NOS1: variants seen among roughly 807,000 people sequenced by gnomAD.
The protein encoded by NOS1 is nitric oxide synthase 1, also known as NOS type I.
In NOS1, 51 loss-of-function variants were observed where a neutral mutation model predicts 164.5. The ratio of observed to expected loss-of-function variants is 0.31; its 90% CI spans 0.25 to 0.39. NOS1 has a LOEUF of 0.39. Ranked by LOEUF, NOS1 falls within the 10% of genes least tolerant of loss-of-function variation. The pLI, the probability that NOS1 is intolerant of heterozygous loss-of-function variation, is 1.00. For missense variants in NOS1, 1,362 were observed against 1,885.6 expected (o/e 0.72, Z 5.14); for synonymous variants, 719 against 745.8 (o/e 0.96, Z 0.59).
At chr12:117,325,100 G>A (rs1376627343) in intron 2 of NOS1, among the ~76,000 whole-genome samples, 1 of 147,840 alleles carries the variant, frequency 6.8e-6, no homozygotes, top group African/African-American at 2.4e-5. Context: ...TGGATCTGGG[G>A]CTCTGGGACT....
chr12:117,246,030 C>T (rs987242681), intron 18 of NOS1: 1 of 155,432 alleles, frequency 6.4e-6, no homozygotes, highest in Non-Finnish European at 1.5e-5. Flanking sequence ...GGCCACTCAA[C>T]ATGGCTTTTA....
chr12:117,309,129 T>C (rs1042134910), intron 3 of NOS1, among the ~76,000 whole-genome samples: 3 of 152,146 alleles, frequency 2.0e-5, no homozygotes, highest in Non-Finnish European at 4.4e-5. Context: ...AGAAAGAAAA[T>C]ATAGAAGAGC....
intron 7 of NOS1, among the ~76,000 whole-genome samples, chr12:117,284,484 A>C (rs1479533556): frequency 6.6e-6 from 1 of 152,210 alleles, no homozygotes; most frequent in East Asian, 1.9e-4. Context: ...CTGAAGGAGC[A>C]GTTCCCATTG....
chr12:117,217,930 G>A, intron 28 of NOS1, 116 bp downstream of exon 28: 4 of 741,748 alleles, frequency 5.4e-6, no homozygotes, highest in Non-Finnish European at 7.2e-6. Flanking sequence ...GTTCCCAGAT[G>A]GTGCTGATGC....
At chr12:117,358,703 G>A (rs954933540) in intron 1 of NOS1, among the ~76,000 whole-genome samples, 1 of 152,216 alleles carries the variant, frequency 6.6e-6, no homozygotes, top group African/African-American at 2.4e-5. Flanking sequence ...CATGGAGTGA[G>A]CTAAGCTTGG....
intron 1 of NOS1, among the ~76,000 whole-genome samples, chr12:117,359,835 G>A (rs1224526139): frequency 1.5e-5 from 2 of 136,796 alleles, no homozygotes; most frequent in South Asian, 2.4e-4. Context: ...ACCTGCGTGC[G>A]AGTCTCCCAG....
intron 2 of NOS1, among the ~76,000 whole-genome samples, chr12:117,322,662 C>T (rs1041782528): frequency 7.4e-6 from 1 of 135,580 alleles, no homozygotes; most frequent in Non-Finnish European, 1.6e-5. Flanking sequence ...TCCCTCCCTC[C>T]TTCCGTCCCT....
chr12:117,341,061 T>C (rs768775749), intron 1 of NOS1, among the ~76,000 whole-genome samples: 4 of 152,020 alleles, frequency 2.6e-5, no homozygotes, highest in Non-Finnish European at 5.9e-5. Context: ...CAATGCACCA[T>C]AGACTAGGTA....
intron 1 of NOS1, among the ~76,000 whole-genome samples, chr12:117,342,907 A>C (rs1876180248): frequency 6.6e-6 from 1 of 152,112 alleles, no homozygotes; most frequent in South Asian, 2.1e-4. Context: ...AGATTGAGTC[A>C]ACAAGATTTG....
chr12:117,284,434 G>A (rs1299061864), intron 7 of NOS1, among the ~76,000 whole-genome samples: 2 of 152,152 alleles, frequency 1.3e-5, no homozygotes, highest in African/African-American at 4.8e-5. Flanking sequence ...TCTTTGTATT[G>A]GTGAAGACGA....
intron 20 of NOS1, among the ~76,000 whole-genome samples, chr12:117,239,028 T>C (rs1167265789): frequency 1.3e-5 from 2 of 152,144 alleles, no homozygotes; most frequent in Non-Finnish European, 2.9e-5. Flanking sequence ...GTCTGAGATG[T>C]AGTTGAAAGA....
rs9658346 is a variant in NOS1 at position 117,287,963 on chromosome 12, G to A, written c.1127+111C>T. 1.7e-3 allele frequency: 1,978 copies of A among 1,194,996 alleles called. 16 individuals carry two copies. The African/African-American group carries it at 0.025, about 15-fold the overall frequency. 74.0% of individuals were successfully genotyped at this position (1,194,996 alleles called of 1,614,324 possible). A position where few individuals can be genotyped will look rare whatever the true frequency, so the allele number is the denominator to read the frequency against. On this transcript the variant is annotated intron_variant, in intron 5 of 28. Transcript: ENST00000317775. ...TGGGTAGCCAGTCTTAAGCCTCTGT[G>A]TATGGCAGAGGCCTTGTGCCTTGGC...
intron 3 of NOS1, among the ~76,000 whole-genome samples, chr12:117,296,152 T>C (rs1873402468): frequency 6.6e-6 from 1 of 152,212 alleles, no homozygotes; most frequent in South Asian, 2.1e-4. Context: ...CTACCCACTG[T>C]TCAGTTTGTT....
chr12:117,337,050 C>T (rs994861204), intron 1 of NOS1, among the ~76,000 whole-genome samples: 3 of 151,418 alleles, frequency 2.0e-5, no homozygotes, highest in Non-Finnish European at 2.9e-5. Context: ...CCTGCCTCAG[C>T]CTCCCAAAGT....
intron 3 of NOS1, among the ~76,000 whole-genome samples, chr12:117,298,091 T>C (rs1196248090): frequency 2.0e-5 from 3 of 151,966 alleles, no homozygotes; most frequent in African/African-American, 7.3e-5. Context: ...TATTATATTA[T>C]AATACACAAT....
chr12:117,209,159 T>G lies in NOS1; in HGVS notation c.*6150A>C. 1.0e-6 allele frequency: 1 copy of G among 985,394 alleles called. No homozygotes were observed. The highest frequency in any genetic ancestry group is 1.2e-6 in the Non-Finnish European group (1 of 829,942). 61.0% of individuals were successfully genotyped at this position (985,394 alleles called of 1,614,324 possible). ...TCTGCTGCGTGCTCCAGGAAATCTATAATGAGAAGTCCTGGGGTAGCCAGC... is the reference window on the plus strand; with the variant it reads ...TCTGCTGCGTGCTCCAGGAAATCTAGAATGAGAAGTCCTGGGGTAGCCAGC... On this transcript the variant is annotated 3_prime_UTR_variant, in exon 29 of 29. Coordinates refer to ENST00000317775, the MANE Select transcript of NOS1 (RefSeq NM_000620.5).
At chr12:117,353,959 G>GA (rs1242342089) in intron 1 of NOS1, among the ~76,000 whole-genome samples, 3 of 152,144 alleles carry the variant, frequency 2.0e-5, no homozygotes, top group East Asian at 1.9e-4. Flanking sequence ...AAACAACAAT[G>GA]AAAAAACCAA....
At chr12:117,273,489 G>C (rs1040248038) in intron 9 of NOS1, among the ~76,000 whole-genome samples, 2 of 152,208 alleles carry the variant, frequency 1.3e-5, no homozygotes, top group Middle Eastern at 3.4e-3. Context: ...GGAGCTATTA[G>C]GTTGATGCAA....
At chr12:117,276,788 C>T (rs887921942) in intron 9 of NOS1, among the ~76,000 whole-genome samples, 3 of 152,206 alleles carry the variant, frequency 2.0e-5, no homozygotes, top group Non-Finnish European at 4.4e-5. Flanking sequence ...CCAGTTCCAT[C>T]CATGTTGTTA....
Sources: gnomAD v4.1 joint callset for allele counts (sites outside exome capture counted in the v4.1 genomes callset) on GRCh38, gnomAD v4.1.1 for gene constraint, MANE v1.5 for transcripts, NCBI Gene and HGNC (gene_info 2026-07-23, HGNC 2026-07-21) for gene names.